The following DSCAM variants were observed in gnomAD, a reference collection of about 807,000 sequenced individuals.
DSCAM encodes cell adhesion molecule DSCAM.
A neutral mutation model predicts 217.7 loss-of-function variants in DSCAM; 47 were observed. The observed-to-expected ratio is 0.22, with a 90% CI of 0.17 to 0.28. The LOEUF (loss-of-function observed/expected upper bound fraction) is 0.28. DSCAM is among the 10% of genes least tolerant of loss of function. DSCAM has a pLI of 1.00. For synonymous variants in DSCAM, 1,056 were observed against 1,015.3 expected, an observed-to-expected ratio of 1.04 and a Z score of -0.76; for missense variants, 2,080 against 2,618.3, an observed-to-expected ratio of 0.79 and a Z score of 4.49.
In DSCAM at chr21:40,338,192, C is replaced by T; in HGVS notation, c.1692G>A (p.Val564=). Residue 564 remains valine, a synonymous_variant, in exon 8 of 33, where the codon GTG becomes GTA. Transcript: ENST00000400454. Reference sequence around the variant, plus strand: ...ACTCCCCCTCGTCCACTTCCTTTTGCACATCTGAAAGTTTAAGAGTTCCAT... The same window carrying T: ...ACTCCCCCTCGTCCACTTCCTTTTGTACATCTGAAAGTTTAAGAGTTCCAT... The part of the protein sequence containing the change: ...ENNGTLKLSD[V]QKEVDEGEYT... The T allele has an allele frequency of 6.2e-7, 1 of 1,614,248 alleles. No individual in the cohort carries two copies. The highest frequency in any genetic ancestry group is 8.5e-7 in the Non-Finnish European group (1 of 1,180,046).
At chr21:40,718,704 C>T (rs539924356) in intron 1 of DSCAM, among the ~76,000 whole-genome samples, 2 of 152,060 alleles carry the variant, frequency 1.3e-5, no homozygotes, top group African/African-American at 4.8e-5. Context: ...CAAGAAGAGA[C>T]AAAAACCAGA....
intron 10 of DSCAM, among the ~76,000 whole-genome samples, chr21:40,289,426 C>T (rs2073864661): frequency 6.6e-6 from 1 of 152,128 alleles, no homozygotes; most frequent in African/African-American, 2.4e-5. Flanking sequence ...CATTTGTACA[C>T]AACAATCTTT....
At chr21:40,830,643 C>T (rs2092005437) in intron 1 of DSCAM, among the ~76,000 whole-genome samples, 2 of 152,166 alleles carry the variant, frequency 1.3e-5, no homozygotes, top group Admixed American at 6.5e-5. Context: ...CTAGGAAAGG[C>T]ATTCACCTTT....
chr21:40,845,559 C>CTCTT (rs1258990953), intron 1 of DSCAM, among the ~76,000 whole-genome samples: 2 of 151,438 alleles, frequency 1.3e-5, no homozygotes, highest in Non-Finnish European at 2.9e-5. Context: ...CTCTCTCTCT[C>CTCTT]TCTCTCTCTC....
chr21:40,379,651 C>T (rs1445805676), intron 3 of DSCAM, among the ~76,000 whole-genome samples: 1 of 152,178 alleles, frequency 6.6e-6, no homozygotes, highest in African/African-American at 2.4e-5. Context: ...TCAGAGCTGC[C>T]TCCTCAAAAT....
chr21:40,776,338 C>G (rs2091488166), intron 1 of DSCAM, among the ~76,000 whole-genome samples: 2 of 152,172 alleles, frequency 1.3e-5, no homozygotes, highest in African/African-American at 2.4e-5. Flanking sequence ...TTATGGTGTT[C>G]TAGGTACTGT....
chr21:40,066,067 C>T (rs570987356), intron 27 of DSCAM, among the ~76,000 whole-genome samples: 6 of 152,362 alleles, frequency 3.9e-5, no homozygotes, highest in South Asian at 4.1e-4. Context: ...CAACTTGCTC[C>T]GTGTACCCTC....
At chr21:40,370,372 T>C (rs189381711) in intron 3 of DSCAM, among the ~76,000 whole-genome samples, 3 of 152,282 alleles carry the variant, frequency 2.0e-5, no homozygotes, top group Admixed American at 2.0e-4. Flanking sequence ...TGTGATGTGA[T>C]TCCACTAGAA....
chr21:40,684,291 C>T lies in DSCAM; in HGVS notation c.508+8519G>A, dbSNP rs113841366. Among the ~76,000 whole-genome samples, 48 of 152,126 alleles carry T rather than the reference C, an allele frequency of 3.2e-4. 1 individual carries two copies. The highest frequency in any genetic ancestry group is 1.0e-3 in the African/African-American group (42 of 41,414). On this transcript the variant is annotated intron_variant, in intron 3 of 32. Coordinates refer to ENST00000400454, the MANE Select transcript of DSCAM (RefSeq NM_001389.5). ...GCTCAATGTGCCCAGTCTGCAGGAA[C>T]GCTCCACAGGCTGACGGTGGAGAAG...
intron 16 of DSCAM, among the ~76,000 whole-genome samples, chr21:40,150,529 T>C (rs757181184): frequency 6.6e-6 from 1 of 152,222 alleles, no homozygotes; most frequent in Non-Finnish European, 1.5e-5. Flanking sequence ...GGATTTTGTA[T>C]ATTAAGTGTA....
chr21:40,623,129 T>C (rs1283145373), intron 3 of DSCAM, among the ~76,000 whole-genome samples: 1 of 152,176 alleles, frequency 6.6e-6, no homozygotes, highest in Non-Finnish European at 1.5e-5. Context: ...GTTTACTCGT[T>C]CAATCAAATC....
At chr21:40,570,031 C>T (rs2076794329) in intron 3 of DSCAM, among the ~76,000 whole-genome samples, 1 of 152,054 alleles carries the variant, frequency 6.6e-6, no homozygotes, top group Non-Finnish European at 1.5e-5. Flanking sequence ...CCCCAAGTAC[C>T]CTGCAGTGGC....
At chr21:40,700,684 T>C (rs1329512506) in intron 2 of DSCAM, among the ~76,000 whole-genome samples, 2 of 152,032 alleles carry the variant, frequency 1.3e-5, no homozygotes, top group Non-Finnish European at 2.9e-5. Flanking sequence ...AAATACTCTC[T>C]CCTCAATTTT....
intron 1 of DSCAM, among the ~76,000 whole-genome samples, chr21:40,841,521 TA>T: frequency 6.6e-6 from 1 of 152,116 alleles, no homozygotes; most frequent in South Asian, 2.1e-4. Flanking sequence ...CTTGAAGAGT[TA>T]ACCCCCCAGT....
At chr21:40,482,622 T>C (rs1180700285) in intron 3 of DSCAM, among the ~76,000 whole-genome samples, 5 of 152,168 alleles carry the variant, frequency 3.3e-5, no homozygotes, top group Admixed American at 3.3e-4. Flanking sequence ...TCTGGAGACA[T>C]TTCAAAAAGA....
chr21:40,340,955 G>A (rs1322722665), intron 6 of DSCAM, among the ~76,000 whole-genome samples: 1 of 152,030 alleles, frequency 6.6e-6, no homozygotes, highest in African/African-American at 2.4e-5. Flanking sequence ...ATGGTGATGG[G>A]GCTGTGCTGC....
intron 1 of DSCAM, among the ~76,000 whole-genome samples, chr21:40,730,992 A>G (rs1410506711): frequency 6.6e-6 from 1 of 152,238 alleles, no homozygotes; most frequent in Non-Finnish European, 1.5e-5. Flanking sequence ...GACCAACTCT[A>G]TGCATTTAAA....
intron 3 of DSCAM, among the ~76,000 whole-genome samples, chr21:40,691,162 T>A (rs2090533999): frequency 6.6e-6 from 1 of 152,248 alleles, no homozygotes; most frequent in East Asian, 1.9e-4. Context: ...TTCAGGCACA[T>A]GCCCCATTGA....
chr21:40,587,021 A>G (rs542313504), intron 3 of DSCAM, among the ~76,000 whole-genome samples: 1 of 152,212 alleles, frequency 6.6e-6, no homozygotes, highest in Non-Finnish European at 1.5e-5. Context: ...TAGAGGACAC[A>G]ACCTTTTCAA....
Sources: gnomAD v4.1 joint callset for allele counts (sites outside exome capture counted in the v4.1 genomes callset) on GRCh38, gnomAD v4.1.1 for gene constraint, MANE v1.5 for transcripts, NCBI Gene and HGNC (gene_info 2026-07-23, HGNC 2026-07-21) for gene names.